Variants in FAM234B observed in about 807,000 individuals in gnomAD.
FAM234B encodes family with sequence similarity 234 member B.
In FAM234B, 33 loss-of-function variants were observed where a neutral mutation model predicts 69.3. That is an observed-to-expected ratio of 0.48 (90% confidence interval 0.36 to 0.64). The LOEUF (loss-of-function observed/expected upper bound fraction) is 0.64, where lower values mean the gene tolerates loss of function less well. FAM234B is among the 30% of genes least tolerant of loss of function. The probability of loss-of-function intolerance (pLI) is 0.00; values close to 1 mark genes in which losing one functional copy is unlikely to be tolerated. For missense variants in FAM234B, 697 were observed against 769.7 expected (o/e 0.91, Z 1.12); for synonymous variants, 306 against 306.9 (o/e 1.00, Z 0.03).
intron 2 of FAM234B, among the ~76,000 whole-genome samples, chr12:13,056,684 C>A (rs927353905): frequency 6.6e-6 from 1 of 152,126 alleles, no homozygotes; most frequent in African/African-American, 2.4e-5. Context: ...TCTCTGAAGG[C>A]AAGTTTCATT....
At position 13,079,948 on chromosome 12, in the gene FAM234B, T is replaced by C. The variant is rs1266495841; in HGVS notation, c.1802T>C (p.Ile601Thr). 4.3e-6 allele frequency: 7 copies of C among 1,613,488 alleles called. No homozygotes were observed. The highest frequency in any genetic ancestry group is 2.2e-5 in the East Asian group (1 of 44,858). The change falls in exon 12 of 13, where the codon ATT becomes ACT. Residue 601 changes from isoleucine to threonine, a missense_variant. Physicochemically the swap from Ile to Thr is moderately conservative, Grantham distance 89 (BLOSUM62 -1). Transcript: ENST00000197268. The part of the protein sequence containing the change: ...MAQLQESTPK[I>T]GRGELRRFLS... ...CAGCTACAGGAGTCCACCCCCAAAA[T>C]TGGCCGTGGGGAGCTGCGAAGATTT...
chr12:13,083,395 G>A lies in FAM234B; in HGVS notation c.*2765G>A, dbSNP rs1865266630. 6.6e-6 allele frequency: 1 copy of A among 152,482 alleles called. No individual in the cohort carries two copies. The highest frequency in any genetic ancestry group is 1.5e-5 in the Non-Finnish European group (1 of 68,010). 9.4% of individuals were successfully genotyped at this position (152,482 alleles called of 1,614,324 possible). ...GAGCCAGCTGGTATATTGTCAGGAA[G>A]CACTATTTAAAATGTGAACTGTTAT... On this transcript the variant is annotated 3_prime_UTR_variant, in exon 13 of 13. Coordinates refer to ENST00000197268, the MANE Select transcript of FAM234B (RefSeq NM_020853.2).
intron 5 of FAM234B, among the ~76,000 whole-genome samples, chr12:13,066,426 C>G (rs559143244): frequency 6.6e-6 from 1 of 152,264 alleles, no homozygotes; most frequent in South Asian, 2.1e-4. Flanking sequence ...TTGAAGATGC[C>G]CTTTGCCTGG....
Position 13,062,879 on chromosome 12 carries a change from G to A in FAM234B, c.756G>A (p.Leu252=), listed in dbSNP as rs766053719. 2.5e-6 allele frequency: 4 copies of A among 1,614,046 alleles called. No homozygotes were observed. The highest frequency in any genetic ancestry group is 1.1e-5 in the South Asian group (1 of 91,066). Residue 252 remains leucine, a synonymous_variant, in exon 5 of 13, where the codon TTG becomes TTA. Coordinates refer to ENST00000197268, the MANE Select transcript of FAM234B (RefSeq NM_020853.2). The part of the protein sequence containing the change: ...KAIWTLNPNY[L]SNGTLAAPVV... ...TTTGGACTTTAAACCCAAACTACTTGTCCAACGGTACCTTGGCTGCCCCAG... is the reference window on the plus strand; with the variant it reads ...TTTGGACTTTAAACCCAAACTACTTATCCAACGGTACCTTGGCTGCCCCAG...
chr12:13,062,751 C>A (rs2200498), intron 4 of FAM234B, 94 bp from the exon 5 acceptor site: 1,394,407 of 1,399,060 alleles, frequency 1, 694,998 homozygotes, highest in East Asian at 1. Context: ...TGTTCAGCCC[C>A]TTGCGTCTTT....
chr12:13,076,150 C>T lies in FAM234B; in HGVS notation c.1642+7C>T. 1 of 1,593,238 alleles carries T rather than the reference C, an allele frequency of 6.3e-7. No homozygotes were observed. The highest frequency in any genetic ancestry group is 1.1e-5 in the South Asian group (1 of 90,638). ...ACAGTGACGGCTTCAGAGGGTGAGT[C>T]CCAGTGCCAGCGGGAGTCTGTGTAC... On this transcript the variant is annotated splice_region_variant and intron_variant, in intron 11 of 12. Transcript: ENST00000197268.
rs566811586 is a variant in FAM234B at position 13,081,648 on chromosome 12, A to C, written c.*1018A>C. On this transcript the variant is annotated 3_prime_UTR_variant, in exon 13 of 13. Coordinates refer to ENST00000197268, the MANE Select transcript of FAM234B (RefSeq NM_020853.2). ...TTCTGCTACTTGAGTCCAGGATGCA[A>C]CCATTTTGTCCTGCATCTCTTCTTT... 6.6e-6 allele frequency: 1 copy of C among 152,266 alleles called. No individual in the cohort carries two copies. The highest frequency in any genetic ancestry group is 2.4e-5 in the African/African-American group (1 of 41,550). 9.4% of individuals were successfully genotyped at this position (152,266 alleles called of 1,614,324 possible). A position where few individuals can be genotyped will look rare whatever the true frequency, so the allele number is the denominator to read the frequency against.
chr12:13,072,733 A>G (rs540212821), intron 10 of FAM234B, among the ~76,000 whole-genome samples: 13 of 150,138 alleles, frequency 8.7e-5, no homozygotes, highest in Middle Eastern at 3.4e-3. Flanking sequence ...TTGTCTCAAA[A>G]AAAAAAAAAA....
chr12:13,050,627 G>T (rs1019808165), intron 1 of FAM234B, among the ~76,000 whole-genome samples: 1 of 152,152 alleles, frequency 6.6e-6, no homozygotes, highest in African/African-American at 2.4e-5. Flanking sequence ...GCAGTCAGAT[G>T]CCTGGGTTTG....
At chr12:13,072,250 T>C (rs1387106413) in intron 10 of FAM234B, among the ~76,000 whole-genome samples, 1 of 152,206 alleles carries the variant, frequency 6.6e-6, no homozygotes, top group African/African-American at 2.4e-5. Flanking sequence ...TATCCATTAA[T>C]GGTTAATGAA....
chr12:13,075,692 G>T (rs1443346674), intron 10 of FAM234B, among the ~76,000 whole-genome samples: 1 of 150,618 alleles, frequency 6.6e-6, no homozygotes, highest in Non-Finnish European at 1.5e-5. Context: ...CTGACCTCAG[G>T]TCATCTGCCC....
chr12:13,068,219 G>A (rs1591600456), intron 7 of FAM234B, 85 bp from the exon 8 acceptor site: 12 of 1,370,592 alleles, frequency 8.8e-6, no homozygotes, highest in East Asian at 4.6e-5. Flanking sequence ...ACAGGTGTAC[G>A]TATACTGAGA....
In FAM234B at chr12:13,067,309, T is replaced by G; in HGVS notation, c.1142+13T>G. On this transcript the variant is annotated intron_variant, in intron 7 of 12. Coordinates refer to ENST00000197268, the MANE Select transcript of FAM234B (RefSeq NM_020853.2). This position sits in a 1 kb window ranked among gnomAD's most constrained non-coding sequence, Gnocchi z 4.7. The stretch of plus-strand genomic sequence containing the variant: ...TTGATGTTTACAGGTAGGGCAGACG[T>G]CTGTCCTTGGTCACAGTGAGATCTC... 2 of 1,613,802 alleles carry G rather than the reference T, an allele frequency of 1.2e-6. No homozygotes were observed. Among genetic ancestry groups the G allele is most frequent in the Non-Finnish European group, 1.7e-6 (2 of 1,179,778 alleles).
intron 10 of FAM234B, among the ~76,000 whole-genome samples, chr12:13,073,478 C>T (rs1004490907): frequency 1.3e-5 from 2 of 152,168 alleles, no homozygotes; most frequent in African/African-American, 2.4e-5. Flanking sequence ...TTGCTGTTGA[C>T]CTTTCCACTT....
chr12:13,062,789 G>A (rs1225012810), intron 4 of FAM234B, 56 bp from the exon 5 acceptor site: 2 of 1,591,328 alleles, frequency 1.3e-6, no homozygotes, highest in Non-Finnish European at 1.7e-6. Flanking sequence ...CATGGCATCT[G>A]CCTTTTCCAA....
intron 1 of FAM234B, among the ~76,000 whole-genome samples, chr12:13,050,140 C>T (rs1004861054): frequency 7.2e-5 from 11 of 152,150 alleles, no homozygotes; most frequent in Non-Finnish European, 1.6e-4. Context: ...CAATTTATTG[C>T]ATCTGAACTC....
At position 13,061,713 on chromosome 12, in the gene FAM234B, G is replaced by C; in HGVS notation, c.671G>C (p.Cys224Ser). The stretch of plus-strand genomic sequence containing the variant: ...CCAGGAAGCTTGGCTGAAACCATCT[G>C]CCTTGTGACAGGGACACACAAGATG... ...LMPGSLAETI[C>S]LVTGTHKMLS... Residue 224 changes from cysteine (C) to serine (S), a missense_variant, in exon 4 of 13, where the codon TGC (cysteine) becomes TCC (serine). Coordinates refer to ENST00000197268, the MANE Select transcript of FAM234B (RefSeq NM_020853.2). The C allele has an allele frequency of 6.2e-7, 1 of 1,614,086 alleles. No individual in the cohort carries two copies. The highest frequency in any genetic ancestry group is 8.5e-7 in the Non-Finnish European group (1 of 1,180,010).
chr12:13,063,839 A>T lies in FAM234B; in HGVS notation c.852+864A>T, dbSNP rs1479863698. Among the ~76,000 whole-genome samples, 7 of 152,108 alleles carry T rather than the reference A, an allele frequency of 4.6e-5. No individual in the cohort carries two copies. The East Asian group carries it at 1.3e-3, about 29-fold the overall frequency. On this transcript the variant is annotated intron_variant, in intron 5 of 12. Transcript: ENST00000197268. ...GGAAATGCTTGTGCACAAAAGAGTC[A>T]AACAATCGGCAAAGAATGTTTGTGG...
chr12:13,056,954 A>C (rs1432813433), intron 2 of FAM234B, among the ~76,000 whole-genome samples: 1 of 149,356 alleles, frequency 6.7e-6, no homozygotes, highest in East Asian at 1.9e-4. Flanking sequence ...ACATGAATTT[A>C]ATCATGCAGT....
Sources: allele counts gnomAD v4.1 joint callset (sites outside exome capture counted in the v4.1 genomes callset), GRCh38; gene constraint gnomAD v4.1.1; non-coding constraint Gnocchi (gnomAD v3.1); transcripts MANE v1.5; gene names NCBI Gene and HGNC (gene_info 2026-07-23, HGNC 2026-07-21).